The following TMEM209 variants were observed in gnomAD, a reference collection of about 807,000 sequenced individuals.
TMEM209 encodes transmembrane protein 209.
TMEM209 carries 65 observed loss-of-function variants against 76.2 expected under a neutral mutation model. The observed-to-expected ratio is 0.85, with a 90% confidence interval of 0.70 to 1.05. TMEM209 has a LOEUF of 1.05. Among genes scored for constraint, TMEM209 ranks in the 50% least tolerant of loss-of-function variants. The probability of loss-of-function intolerance (pLI) is 0.00; values close to 1 mark genes in which losing one functional copy is unlikely to be tolerated. For synonymous variants in TMEM209, 239 were observed against 237.6 expected (o/e 1.01, Z -0.06); for missense variants, 623 against 685.5 (o/e 0.91, Z 1.02).
At chr7:130,204,966 C>CTTA (rs1401853083) in intron 1 of TMEM209, 207 of 1,102,946 alleles carry the variant, frequency 1.9e-4, no homozygotes, top group Non-Finnish European at 2.2e-4. Context: ...AGGGCACGTA[C>CTTA]TTATGATGGG....
chr7:130,192,220 C>T (rs1157912609), intron 6 of TMEM209: 2 of 172,638 alleles, frequency 1.2e-5, no homozygotes, highest in Non-Finnish European at 2.5e-5. Context: ...AAAACAGCAG[C>T]GCTTCTCGAG....
At chr7:130,201,769 A>G (rs760796070) in intron 5 of TMEM209, 81 bp downstream of exon 5, 28 of 1,540,812 alleles carry the variant, frequency 1.8e-5, no homozygotes, top group Non-Finnish European at 2.5e-5. Context: ...GCTCACTGAT[A>G]AGTTTTGACT....
intron 5 of TMEM209, among the ~76,000 whole-genome samples, chr7:130,196,215 G>T (rs182261096): frequency 6.6e-6 from 1 of 152,074 alleles, no homozygotes; most frequent in African/African-American, 2.4e-5. Flanking sequence ...AAGTTTAAAA[G>T]AACTCAATAA....
rs1174406599 is a variant in TMEM209, at chr7:130,165,297, T to C, written c.*1154A>G. The C allele has an allele frequency of 6.6e-6, 1 of 152,178 alleles. No homozygotes were observed. Among genetic ancestry groups the C allele is most frequent in the South Asian group, 2.1e-4 (1 of 4,826 alleles). The allele number at this position is 152,178 out of a possible 1,614,324, so 9.4% of individuals were successfully genotyped here. On this transcript the variant is annotated 3_prime_UTR_variant, in exon 15 of 15. Coordinates refer to ENST00000397622, the MANE Select transcript of TMEM209 (RefSeq NM_032842.4). ...GAAAATATATGCAATTGCCAGCTACTACATATACAGAAAATAAAGATGGTG... is the reference window on the plus strand; with the variant it reads ...GAAAATATATGCAATTGCCAGCTACCACATATACAGAAAATAAAGATGGTG...
intron 9 of TMEM209, among the ~76,000 whole-genome samples, chr7:130,180,037 A>G (rs1331013759): frequency 1.3e-5 from 2 of 152,216 alleles, no homozygotes; most frequent in African/African-American, 2.4e-5. Flanking sequence ...AAATTATCCT[A>G]AAGAAATAAT....
intron 14 of TMEM209, among the ~76,000 whole-genome samples, chr7:130,167,193 C>T (rs962475439): frequency 1.1e-4 from 16 of 152,062 alleles, no homozygotes; most frequent in African/African-American, 3.4e-4. Flanking sequence ...CAGTCCACTT[C>T]GAGAAGCAGA....
In TMEM209 at chr7:130,203,973, C is replaced by T; in HGVS notation, c.140+1G>A. 6.2e-7 allele frequency: 1 copy of T among 1,611,846 alleles called. No individual in the cohort carries two copies. On this transcript the variant is annotated splice_donor_variant, in intron 2 of 14. Transcript: ENST00000397622. LOFTEE classifies it high-confidence loss of function. Reference sequence around the variant, plus strand: ...CACTTTTTTTGGACTGATTCACTTACATTTCAGTATATATCATTCCAGCCA... The same window carrying T: ...CACTTTTTTTGGACTGATTCACTTATATTTCAGTATATATCATTCCAGCCA...
At position 130,175,584 on chromosome 7, in the gene TMEM209, G is replaced by A. The variant is rs1298501259; in HGVS notation, c.1272C>T (p.Ser424=). 2 of 1,612,880 alleles carry A rather than the reference G, an allele frequency of 1.2e-6. No homozygotes were observed. The highest frequency in any genetic ancestry group is 1.3e-5 in the African/African-American group (1 of 74,830). Reference sequence around the variant, plus strand: ...CGCCACCTCTGTTCCATCGAAATGAGCTCATACAACCTCCCTGAGATAGTT... The same window carrying A: ...CGCCACCTCTGTTCCATCGAAATGAACTCATACAACCTCCCTGAGATAGTT... ...IKELSQGGCM[S]SFRWNRGGDF... is the part of the protein sequence containing the mutation. Residue 424 remains serine (S), a synonymous_variant, in exon 11 of 15, where the codon AGC becomes AGT. Transcript: ENST00000397622.
At chr7:130,171,847 G>A (rs62491972) in intron 13 of TMEM209, among the ~76,000 whole-genome samples, 14,854 of 152,066 alleles carry the variant, frequency 0.098, 748 homozygotes, top group Middle Eastern at 0.14. Context: ...GGCTAACACA[G>A]TAAAACCCCC....
At chr7:130,205,076 T>C (rs1798394086) in intron 1 of TMEM209, 3 of 1,395,194 alleles carry the variant, frequency 2.2e-6, no homozygotes, top group African/African-American at 2.9e-5. Context: ...GCTCAACTCT[T>C]ACAGACCGTG....
intron 14 of TMEM209, among the ~76,000 whole-genome samples, chr7:130,169,468 T>C (rs1254414961): frequency 6.6e-6 from 1 of 152,180 alleles, no homozygotes; most frequent in Non-Finnish European, 1.5e-5. Context: ...ATGTAACAAA[T>C]ATATACAATT....
At chr7:130,205,113 C>T (rs1798396303) in intron 1 of TMEM209, 10 of 1,421,330 alleles carry the variant, frequency 7.0e-6, no homozygotes, top group Non-Finnish European at 8.3e-6. Context: ...GACAAGCAGT[C>T]GTATCCCACA....
At chr7:130,203,905 A>C in intron 2 of TMEM209, 59 bp from the exon 3 acceptor site, 1 of 1,593,962 alleles carries the variant, frequency 6.3e-7, no homozygotes, top group Non-Finnish European at 8.5e-7. Flanking sequence ...ATCAAAAACA[A>C]ACACAAAAAC....
intron 6 of TMEM209, among the ~76,000 whole-genome samples, chr7:130,187,248 C>CA (rs969129494): frequency 6.9e-5 from 10 of 145,292 alleles, no homozygotes; most frequent in South Asian, 4.4e-4. Context: ...ATCTCAAAAA[C>CA]AAAAAAAACC....
intron 5 of TMEM209, among the ~76,000 whole-genome samples, chr7:130,199,462 C>G (rs188786131): frequency 1.3e-5 from 2 of 152,128 alleles, no homozygotes; most frequent in Non-Finnish European, 2.9e-5. Flanking sequence ...CCTTGTGACC[C>G]GCCTGCCTCG....
intron 6 of TMEM209, among the ~76,000 whole-genome samples, chr7:130,189,278 C>A (rs906316118): frequency 2.0e-4 from 30 of 151,576 alleles, no homozygotes; most frequent in African/African-American, 7.3e-4. Flanking sequence ...TTCACTGCAA[C>A]CTCCGCCTCC....
At chr7:130,183,462 T>C (rs1797492904) in intron 8 of TMEM209, among the ~76,000 whole-genome samples, 1 of 152,230 alleles carries the variant, frequency 6.6e-6, no homozygotes, top group Non-Finnish European at 1.5e-5. Context: ...TTTGATGCCC[T>C]ATTTAAATAA....
intron 13 of TMEM209, among the ~76,000 whole-genome samples, chr7:130,172,678 T>C (rs1230947121): frequency 6.6e-6 from 1 of 152,100 alleles, no homozygotes; most frequent in African/African-American, 2.4e-5. Flanking sequence ...TAAATTATAC[T>C]AGTGAAGTTT....
intron 10 of TMEM209, among the ~76,000 whole-genome samples, chr7:130,177,714 G>C (rs559447454): frequency 6.6e-6 from 1 of 152,202 alleles, no homozygotes; most frequent in African/African-American, 2.4e-5. Context: ...GTGTACAAGA[G>C]GAGTGTGTAT....
Sources: allele counts gnomAD v4.1 joint callset (sites outside exome capture counted in the v4.1 genomes callset), GRCh38; gene constraint gnomAD v4.1.1; transcripts MANE v1.5; gene names NCBI Gene and HGNC (gene_info 2026-07-23, HGNC 2026-07-21).